CNTN5: variants seen among roughly 807,000 people sequenced by gnomAD.
CNTN5 encodes contactin-5.
CNTN5 carries 77 observed loss-of-function variants against 129.1 expected under a neutral mutation model. The ratio of observed to expected loss-of-function variants is 0.60; its 90% CI spans 0.50 to 0.72. The LOEUF is 0.72. CNTN5 is among the 30% of genes least tolerant of loss of function. The probability of loss-of-function intolerance (pLI) is 0.00; values close to 1 mark genes in which losing one functional copy is unlikely to be tolerated. For synonymous variants in CNTN5, 509 were observed against 465.6 expected, an observed-to-expected ratio of 1.09 and a Z score of -1.20; for missense variants, 1,478 against 1,328.8, an observed-to-expected ratio of 1.11 and a Z score of -1.75.
rs546205253 is a variant in CNTN5, at chr11:99,143,831, A to G, written c.-210+122561A>G. 1.5e-4 allele frequency among the ~76,000 whole-genome samples: 23 copies of G among 152,278 alleles called. No individual in the cohort carries two copies. The East Asian group carries it at 3.7e-3, about 24-fold the overall frequency. On this transcript the variant is annotated intron_variant, in intron 1 of 24. Coordinates refer to ENST00000524871, the MANE Select transcript of CNTN5 (RefSeq NM_014361.4). ...TTTTTTTGTATTGATAGTTTACAGG[A>G]TAAGACTTTTGAAAAGACCTGTTTT... is the stretch of plus-strand genomic sequence containing the variant.
chr11:99,728,267 C>T (rs1455496948), intron 3 of CNTN5, among the ~76,000 whole-genome samples: 2 of 152,036 alleles, frequency 1.3e-5, no homozygotes, highest in Non-Finnish European at 2.9e-5. Context: ...ATAATGTGTA[C>T]AATATTTGTG....
At chr11:99,910,314 A>C (rs917170635) in intron 6 of CNTN5, among the ~76,000 whole-genome samples, 1 of 152,072 alleles carries the variant, frequency 6.6e-6, no homozygotes, top group African/African-American at 2.4e-5. Context: ...GGTACCATTC[A>C]ACACTCACAT....
intron 13 of CNTN5, among the ~76,000 whole-genome samples, chr11:100,084,884 C>G (rs966622510): frequency 6.6e-6 from 1 of 152,018 alleles, no homozygotes; most frequent in Non-Finnish European, 1.5e-5. Context: ...TCTCTACCCT[C>G]TGAAGGTTCA....
chr11:99,875,439 G>T (rs1159278846), intron 6 of CNTN5, among the ~76,000 whole-genome samples: 2 of 151,946 alleles, frequency 1.3e-5, no homozygotes, highest in African/African-American at 4.8e-5. Context: ...TCTTTCATTT[G>T]CTTTTTTTCT....
At chr11:99,583,893 A>C (rs2135633361) in intron 3 of CNTN5, among the ~76,000 whole-genome samples, 1 of 152,272 alleles carries the variant, frequency 6.6e-6, no homozygotes, top group East Asian at 1.9e-4. Flanking sequence ...GGAAATGCAG[A>C]AATCACCCAT....
intron 8 of CNTN5, among the ~76,000 whole-genome samples, chr11:99,971,707 A>T (rs1214071757): frequency 6.6e-6 from 1 of 151,986 alleles, no homozygotes; most frequent in African/African-American, 2.4e-5. Context: ...CACAGATTGA[A>T]ATTATATAAA....
intron 13 of CNTN5, among the ~76,000 whole-genome samples, chr11:100,078,922 T>C (rs1481188984): frequency 2.0e-5 from 3 of 152,090 alleles, no homozygotes; most frequent in African/African-American, 7.2e-5. Flanking sequence ...AGAGGTTTGA[T>C]TGACTCACAG....
chr11:99,949,218 T>G (rs546107080), intron 7 of CNTN5, among the ~76,000 whole-genome samples: 1 of 152,290 alleles, frequency 6.6e-6, no homozygotes, highest in South Asian at 2.1e-4. Context: ...TGAAAGACAA[T>G]AAGTATCTAC....
chr11:99,951,457 A>G (rs1320572627), intron 7 of CNTN5, among the ~76,000 whole-genome samples: 1 of 152,038 alleles, frequency 6.6e-6, no homozygotes, highest in Non-Finnish European at 1.5e-5. Context: ...ATTTTTCTAT[A>G]TGATCCATTA....
At chr11:99,233,106 T>C (rs1861087040) in intron 1 of CNTN5, among the ~76,000 whole-genome samples, 1 of 152,206 alleles carries the variant, frequency 6.6e-6, no homozygotes. Context: ...CCTTCAAGGC[T>C]TCTTTCCCTC....
intron 2 of CNTN5, among the ~76,000 whole-genome samples, chr11:99,452,219 GAAGT>G (rs1292098966): frequency 1.3e-5 from 2 of 151,878 alleles, no homozygotes; most frequent in Non-Finnish European, 2.9e-5. Flanking sequence ...GTATACAATT[GAAGT>G]AATATAATTA....
chr11:100,040,123 A>G (rs1942282402), intron 9 of CNTN5, among the ~76,000 whole-genome samples: 1 of 151,666 alleles, frequency 6.6e-6, no homozygotes, highest in African/African-American at 2.4e-5. Context: ...GTCTTTGATG[A>G]TGGTGACGTA....
chr11:99,977,626 A>G (rs1290596149), intron 8 of CNTN5, among the ~76,000 whole-genome samples: 1 of 152,186 alleles, frequency 6.6e-6, no homozygotes, highest in East Asian at 1.9e-4. Flanking sequence ...TGGAAATGCC[A>G]CACCTTTAAA....
intron 2 of CNTN5, among the ~76,000 whole-genome samples, chr11:99,456,491 T>A (rs1445885235): frequency 6.6e-6 from 1 of 152,148 alleles, no homozygotes; most frequent in Admixed American, 6.6e-5. Context: ...TTATGTGCAG[T>A]GTTATCTAAA....
chr11:99,899,403 A>G (rs1487631362), intron 6 of CNTN5, among the ~76,000 whole-genome samples: 1 of 151,958 alleles, frequency 6.6e-6, no homozygotes, highest in Admixed American at 6.6e-5. Context: ...TGTTCCATCT[A>G]TGCTAGTTTG....
intron 3 of CNTN5, among the ~76,000 whole-genome samples, chr11:99,647,056 T>G (rs755221897): frequency 6.6e-6 from 1 of 152,264 alleles, no homozygotes; most frequent in East Asian, 1.9e-4. Context: ...TGTTTGTTTC[T>G]GCTTTTATTG....
Position 99,990,707 on chromosome 11 carries a change from A to G in CNTN5, c.878-11327A>G, listed in dbSNP as rs570104011. 3.4e-4 allele frequency among the ~76,000 whole-genome samples: 52 copies of G among 152,280 alleles called. No homozygotes were observed. The South Asian group carries it at 6.0e-3, about 18-fold the overall frequency. On this transcript the variant is annotated intron_variant, in intron 8 of 24. Coordinates refer to ENST00000524871, the MANE Select transcript of CNTN5 (RefSeq NM_014361.4). ...TTTTTGAGGTGAGAAAAAACTTTGT[A>G]CTTCTCAGTGGTTCTTTAAGGAATT...
intron 6 of CNTN5, among the ~76,000 whole-genome samples, chr11:99,909,928 T>A (rs967317681): frequency 3.9e-5 from 6 of 151,976 alleles, no homozygotes; most frequent in African/African-American, 1.2e-4. Flanking sequence ...AACCTGCACG[T>A]TGTGCACATG....
intron 2 of CNTN5, among the ~76,000 whole-genome samples, chr11:99,408,428 A>AAAAGAAAGAAAG (rs1156931446): frequency 0.013 from 1,245 of 93,378 alleles, 34 homozygotes; most frequent in Middle Eastern, 0.015. Flanking sequence ...GAAGGAAAGA[A>AAAAGAAAGAAAG]AAAGAAAGAA....
Sources: allele counts gnomAD v4.1 joint callset (sites outside exome capture counted in the v4.1 genomes callset), GRCh38; gene constraint gnomAD v4.1.1; transcripts MANE v1.5; gene names NCBI Gene and HGNC (gene_info 2026-07-23, HGNC 2026-07-21).